SLC60A2: variants seen among roughly 807,000 people sequenced by gnomAD.
SLC60A2 encodes solute carrier family 60 member 2, also known as major facilitator superfamily domain containing 4B.
At chr6:111,276,928 A>G in the SLC60A2 span, among the ~76,000 whole-genome samples, 3 of 152,018 alleles carry the variant, frequency 2.0e-5, no homozygotes, top group Non-Finnish European at 4.4e-5. Flanking sequence ...GCCTTGCCTC[A>G]GGAGTTCCTC....
chr6:111,271,808 T>TAAAAAAAAAAAAAAAAAAAA, the SLC60A2 span, among the ~76,000 whole-genome samples: 1 of 37,590 alleles, frequency 2.7e-5, no homozygotes, highest in Non-Finnish European at 6.0e-5. Flanking sequence ...AAAAAAAAAG[T>TAAAAAAAAAAAAAAAAAAAA]ACAAATAGTT....
the SLC60A2 span, among the ~76,000 whole-genome samples, chr6:111,272,219 T>C: frequency 6.6e-6 from 1 of 151,916 alleles, no homozygotes; most frequent in African/African-American, 2.4e-5. Context: ...GCCAGGCTGG[T>C]CTCAAACTCC....
At chr6:111,275,225 A>G in the SLC60A2 span, among the ~76,000 whole-genome samples, 2 of 151,820 alleles carry the variant, frequency 1.3e-5, no homozygotes, top group Admixed American at 6.6e-5. Flanking sequence ...ATTCTTATAT[A>G]TTGCTTTTAT....
the SLC60A2 span, among the ~76,000 whole-genome samples, chr6:111,273,418 T>G: frequency 6.6e-6 from 1 of 152,182 alleles, no homozygotes; most frequent in Admixed American, 6.5e-5. Flanking sequence ...CTGCTGGGAT[T>G]ACAGGTATGA....
At chr6:111,263,889 A>G in the SLC60A2 span, 264 of 1,612,560 alleles carry the variant, frequency 1.6e-4, 1 homozygote, top group South Asian at 1.8e-3. Flanking sequence ...CAAGACAGCA[A>G]TATTACTCAC....
At chr6:111,264,171 A>G in the SLC60A2 span, among the ~76,000 whole-genome samples, 1 of 152,212 alleles carries the variant, frequency 6.6e-6, no homozygotes, top group Admixed American at 6.5e-5. Context: ...ATTTTGTTCT[A>G]TGAGAGATAA....
chr6:111,275,195 C>T, the SLC60A2 span, among the ~76,000 whole-genome samples: 4 of 151,860 alleles, frequency 2.6e-5, no homozygotes, highest in African/African-American at 4.8e-5. Flanking sequence ...GTGTAAGCCA[C>T]GATACCCCAC....
the SLC60A2 span, chr6:111,266,775 T>C: frequency 2.5e-6 from 4 of 1,614,126 alleles, no homozygotes; most frequent in Non-Finnish European, 3.4e-6. Context: ...TCCTGTGCTA[T>C]ATAAATTAGC....
the SLC60A2 span, chr6:111,266,382 T>G: frequency 7.4e-6 from 12 of 1,614,118 alleles, no homozygotes; most frequent in Non-Finnish European, 9.3e-6. Context: ...GAACTCCATC[T>G]TCTGGGGGAC....
At chr6:111,265,344 T>C in the SLC60A2 span, 1 of 985,270 alleles carries the variant, frequency 1.0e-6, no homozygotes, top group Non-Finnish European at 1.2e-6. Context: ...TAAATTCAGA[T>C]GCTAAACGGT....
chr6:111,264,480 C>G, the SLC60A2 span, among the ~76,000 whole-genome samples: 1 of 151,990 alleles, frequency 6.6e-6, no homozygotes, highest in African/African-American at 2.4e-5. Context: ...CCCGTATCAT[C>G]ATCATGTCTT....
chr6:111,265,266 T>TG, the SLC60A2 span: 10 of 978,336 alleles, frequency 1.0e-5, no homozygotes, highest in South Asian at 4.7e-5. Flanking sequence ...AAATATCTGT[T>TG]GAAAAAAAAG....
At chr6:111,263,932 G>A in the SLC60A2 span, 26 of 1,581,554 alleles carry the variant, frequency 1.6e-5, no homozygotes, top group Non-Finnish European at 2.2e-5. Flanking sequence ...GTTTCAATTG[G>A]CATTCTGGAT....
At chr6:111,268,498 A>G in the SLC60A2 span, 1 of 152,248 alleles carries the variant, frequency 6.6e-6, no homozygotes, top group African/African-American at 2.4e-5. Context: ...CATTTTAAAA[A>G]TAAGTTATTT....
chr6:111,262,365 TTGAG>T, the SLC60A2 span: 1 of 1,614,222 alleles, frequency 6.2e-7, no homozygotes, highest in Non-Finnish European at 8.5e-7. Flanking sequence ...CTTGGGATAT[TTGAG>T]TGGCTCTGTG....
the SLC60A2 span, chr6:111,259,369 T>A: frequency 2.9e-6 from 1 of 346,718 alleles, no homozygotes; most frequent in East Asian, 4.3e-5. Flanking sequence ...CACGAACACC[T>A]GCGGCGTGCC....
the SLC60A2 span, chr6:111,267,925 C>T: frequency 2.6e-5 from 4 of 152,344 alleles, no homozygotes; most frequent in East Asian, 7.7e-4. Flanking sequence ...ATGAAGAGAA[C>T]ACAGAACAGG....
the SLC60A2 span, chr6:111,268,406 A>T: frequency 6.6e-6 from 1 of 152,220 alleles, no homozygotes; most frequent in South Asian, 2.1e-4. Flanking sequence ...ATATGTATAT[A>T]TAAAATAATG....
chr6:111,275,208 T>G, the SLC60A2 span, among the ~76,000 whole-genome samples: 1 of 152,060 alleles, frequency 6.6e-6, no homozygotes, highest in Non-Finnish European at 1.5e-5. Context: ...TACCCCACTC[T>G]GTGACTATTC....
Sources: allele counts gnomAD v4.1 joint callset (sites outside exome capture counted in the v4.1 genomes callset), GRCh38; gene constraint gnomAD v4.1.1; transcripts MANE v1.5; gene names NCBI Gene and HGNC (gene_info 2026-07-23, HGNC 2026-07-21).